The following FBXO4 variants were observed in gnomAD, a reference collection of about 807,000 sequenced individuals.
The protein encoded by FBXO4 is F-box only protein 4.
A neutral mutation model predicts 43.7 loss-of-function variants in FBXO4; 36 were observed. The observed-to-expected ratio is 0.82, with a 90% CI of 0.63 to 1.09. The LOEUF (loss-of-function observed/expected upper bound fraction) is 1.09. Ranked by LOEUF, FBXO4 falls within the 50% of genes least tolerant of loss-of-function variation. The pLI, the probability that FBXO4 is intolerant of heterozygous loss-of-function variation, is 0.00. For synonymous variants in FBXO4, 180 were observed against 165.6 expected, an observed-to-expected ratio of 1.09 and a Z score of -0.67; for missense variants, 435 against 474.1, an observed-to-expected ratio of 0.92 and a Z score of 0.77.
the FBXO4 span, among the ~76,000 whole-genome samples, chr5:41,962,199 C>G: frequency 1.3e-5 from 2 of 152,102 alleles, no homozygotes; most frequent in Non-Finnish European, 2.9e-5. Context: ...CTTATTTTAC[C>G]ACAGGCTGCA....
At chr5:42,009,693 C>A in the FBXO4 span, among the ~76,000 whole-genome samples, 1 of 152,140 alleles carries the variant, frequency 6.6e-6, no homozygotes, top group African/African-American at 2.4e-5. Context: ...AGTCACTGGA[C>A]TGTTACATAA....
At chr5:41,982,885 C>A in the FBXO4 span, among the ~76,000 whole-genome samples, 2 of 152,036 alleles carry the variant, frequency 1.3e-5, no homozygotes, top group African/African-American at 4.8e-5. Flanking sequence ...ACCCCCTCAA[C>A]AAGCCCTGGT....
At chr5:42,037,014 C>T in the FBXO4 span, among the ~76,000 whole-genome samples, 1 of 152,056 alleles carries the variant, frequency 6.6e-6, no homozygotes. Context: ...TCTCTTTCCT[C>T]ACAGAAAAGG....
the FBXO4 span, among the ~76,000 whole-genome samples, chr5:41,994,615 C>A: frequency 6.6e-6 from 1 of 152,118 alleles, no homozygotes. Context: ...GACATTATAA[C>A]ACCCTTACCT....
chr5:42,017,727 G>A, the FBXO4 span, among the ~76,000 whole-genome samples: 1 of 151,394 alleles, frequency 6.6e-6, no homozygotes, highest in African/African-American at 2.4e-5. Context: ...TTCACTTAGG[G>A]TAATGGCCTC....
chr5:41,925,369 G>T lies in FBXO4; in HGVS notation c.60G>T (p.Trp20Cys). 2 of 1,376,520 alleles carry T rather than the reference G, an allele frequency of 1.5e-6. No individual in the cohort carries two copies. The highest frequency in any genetic ancestry group is 1.9e-6 in the Non-Finnish European group (2 of 1,061,040). The allele number at this position is 1,376,520 out of a possible 1,614,324, so 85.3% of individuals were successfully genotyped here. The change falls in exon 1 of 7, where the codon TGG (tryptophan) becomes TGT (cysteine). Residue 20 changes from tryptophan to cysteine, a missense_variant. By Grantham distance (215) the Trp-to-Cys change is radical. Coordinates refer to ENST00000281623, the MANE Select transcript of FBXO4 (RefSeq NM_012176.3). The stretch of plus-strand genomic sequence containing the variant: ...CGCCGCCGCCGCCCTTCAGCGACTG[G>T]GGCCGCCTGGAGGCGGCCATCCTCA... ...TNSPPPPFSD[W>C]GRLEAAILSG...
the FBXO4 span, among the ~76,000 whole-genome samples, chr5:42,036,723 G>A: frequency 6.6e-6 from 1 of 152,082 alleles, no homozygotes; most frequent in East Asian, 1.9e-4. Flanking sequence ...GACTGGATTG[G>A]AAGGGTTAGA....
downstream of FBXO4, among the ~76,000 whole-genome samples, chr5:41,943,638 T>C (rs1435850531): frequency 1.3e-5 from 2 of 152,170 alleles, no homozygotes; most frequent in Non-Finnish European, 2.9e-5. Context: ...GATGGTCATA[T>C]AAAAAGTGTC....
chr5:42,014,607 C>A, the FBXO4 span, among the ~76,000 whole-genome samples: 1 of 152,168 alleles, frequency 6.6e-6, no homozygotes, highest in Non-Finnish European at 1.5e-5. Context: ...TCCTCACCTA[C>A]TTCACTAGGT....
At chr5:41,944,390 A>G (rs1208988099), downstream of FBXO4, among the ~76,000 whole-genome samples, 3 of 152,206 alleles carry the variant, frequency 2.0e-5, no homozygotes, top group Admixed American at 1.3e-4. Context: ...ATGGTTCACT[A>G]TTACCTCTAG....
chr5:41,997,840 T>C, the FBXO4 span, among the ~76,000 whole-genome samples: 1 of 152,100 alleles, frequency 6.6e-6, no homozygotes, highest in African/African-American at 2.4e-5. Flanking sequence ...ACAACATAAA[T>C]TGTTGGTAGT....
chr5:42,028,264 A>G, the FBXO4 span, among the ~76,000 whole-genome samples: 1 of 151,922 alleles, frequency 6.6e-6, no homozygotes, highest in Non-Finnish European at 1.5e-5. Context: ...CGTCTTTATC[A>G]TTATATATTG....
chr5:42,006,067 G>A, the FBXO4 span, among the ~76,000 whole-genome samples: 17 of 151,974 alleles, frequency 1.1e-4, no homozygotes, highest in African/African-American at 4.1e-4. Flanking sequence ...AAAATATATT[G>A]ACATATGTTG....
chr5:42,031,856 T>G, the FBXO4 span, among the ~76,000 whole-genome samples: 1 of 151,972 alleles, frequency 6.6e-6, no homozygotes, highest in African/African-American at 2.4e-5. Context: ...CGGTAAGACT[T>G]GAGTGCTGTG....
At chr5:41,930,232 A>G (rs1751642214) in intron 3 of FBXO4, 1 of 243,198 alleles carries the variant, frequency 4.1e-6, no homozygotes, top group East Asian at 9.0e-5. Context: ...AAAATTGAGC[A>G]TCTGTGTGGA....
At chr5:42,029,137 C>T in the FBXO4 span, among the ~76,000 whole-genome samples, 10 of 152,006 alleles carry the variant, frequency 6.6e-5, no homozygotes, top group South Asian at 4.1e-4. Context: ...CTGGTATTGA[C>T]GAAATCCCTC....
the FBXO4 span, among the ~76,000 whole-genome samples, chr5:41,994,643 A>T: frequency 2.0e-5 from 3 of 152,166 alleles, no homozygotes; most frequent in Admixed American, 1.3e-4. Flanking sequence ...GGAGTAGTAG[A>T]CTGATTTCAT....
the FBXO4 span, among the ~76,000 whole-genome samples, chr5:41,966,503 A>G: frequency 2.0e-5 from 3 of 152,196 alleles, no homozygotes; most frequent in Non-Finnish European, 2.9e-5. Flanking sequence ...GGTAACATAC[A>G]TAAAATGAGG....
In FBXO4 at chr5:41,941,256, A is replaced by C. The variant is rs2112590186; in HGVS notation, c.1139A>C (p.Glu380Ala). The C allele has an allele frequency of 6.2e-7, 1 of 1,613,724 alleles. No individual in the cohort carries two copies. Among genetic ancestry groups the C allele is most frequent in the Non-Finnish European group, 8.5e-7 (1 of 1,179,716 alleles). ...AATGGCATTGAGTGGATTCTTGAAG[A>C]AGTGGAATCTAAGCGTGCAAGATGA... ...FLNGIEWILE[E>A]VESKRAR Residue 380 changes from glutamate to alanine, a missense_variant, in exon 7 of 7, where the codon GAA becomes GCA. Coordinates refer to ENST00000281623, the MANE Select transcript of FBXO4 (RefSeq NM_012176.3).
Sources: allele counts gnomAD v4.1 joint callset (sites outside exome capture counted in the v4.1 genomes callset), GRCh38; gene constraint gnomAD v4.1.1; transcripts MANE v1.5; gene names NCBI Gene and HGNC (gene_info 2026-07-23, HGNC 2026-07-21).